ZC3H13: variants seen among roughly 807,000 people sequenced by gnomAD.
ZC3H13 encodes zinc finger CCCH domain-containing protein 13.
Under a neutral mutation model 204.1 loss-of-function variants are expected in ZC3H13, and 64 were observed. The observed-to-expected ratio is 0.31, with a 90% CI of 0.26 to 0.39. ZC3H13 has a LOEUF of 0.39. ZC3H13 is among the 10% of genes least tolerant of loss of function. ZC3H13 has a pLI of 1.00. For missense variants in ZC3H13, 1,833 were observed against 2,082.7 expected (o/e 0.88, Z 2.33); for synonymous variants, 667 against 693.7 (o/e 0.96, Z 0.60).
intron 4 of ZC3H13, among the ~76,000 whole-genome samples, chr13:46,024,223 T>C (rs2042395160): frequency 1.5e-5 from 1 of 64,546 alleles, no homozygotes; most frequent in African/African-American, 9.2e-5. Flanking sequence ...ACACTTTTGA[T>C]AACTTCAGGC....
Position 45,956,578 on chromosome 13 carries a change from T to C in ZC3H13, c.*549A>G, listed in dbSNP as rs1358867560. 1 of 152,142 alleles carries C rather than the reference T, an allele frequency of 6.6e-6. No homozygotes were observed. Among genetic ancestry groups the C allele is most frequent in the Non-Finnish European group, 1.5e-5 (1 of 67,998 alleles). The allele number at this position is 152,142 out of a possible 1,614,324, so 9.4% of individuals were successfully genotyped here. On this transcript the variant is annotated 3_prime_UTR_variant, in exon 19 of 19. Transcript: ENST00000679008. ...ACATATTAATTAAAAAAAAGACCCA[T>C]GAAATAATTTTTAAAAAACTTTCAA...
intron 8 of ZC3H13, among the ~76,000 whole-genome samples, chr13:45,994,134 T>C (rs1392603211): frequency 1.3e-5 from 2 of 152,254 alleles, no homozygotes. Context: ...TTCCACTTAA[T>C]GAATAGTAAA....
At chr13:46,021,521 C>CT (rs5803324) in intron 4 of ZC3H13, among the ~76,000 whole-genome samples, 113,513 of 151,728 alleles carry the variant, frequency 0.75, 42,930 homozygotes, top group African/African-American at 0.85. Context: ...AATTTGGCTG[C>CT]TTAAAACACA....
rs764441268 is a variant in ZC3H13, at chr13:46,045,014, T to A, written c.168A>T (p.Thr56=). The change falls in exon 3 of 19, where the codon ACA becomes ACT. Residue 56 remains threonine (T), a synonymous_variant. Coordinates refer to ENST00000679008, the MANE Select transcript of ZC3H13 (RefSeq NM_001330564.2). ...LKTGNCLYGN[T]CRFVHGPSPR... is the part of the protein sequence containing the mutation. ...GTGAAGGGCCATGTACGAATCTACATGTGTTTCCATAGAGGCAGTTGCCAG... is the reference window on the plus strand; with the variant it reads ...GTGAAGGGCCATGTACGAATCTACAAGTGTTTCCATAGAGGCAGTTGCCAG... 6.2e-7 allele frequency: 1 copy of A among 1,613,760 alleles called. No homozygotes were observed. The highest frequency in any genetic ancestry group is 8.5e-7 in the Non-Finnish European group (1 of 1,179,782).
chr13:46,029,569 C>T (rs1418885432), intron 4 of ZC3H13, among the ~76,000 whole-genome samples: 1 of 151,556 alleles, frequency 6.6e-6, no homozygotes, highest in African/African-American at 2.4e-5. Flanking sequence ...GCTGGGACTA[C>T]AGGCGCCCGC....
chr13:45,985,989 C>T (rs1169232171), intron 9 of ZC3H13, among the ~76,000 whole-genome samples: 2 of 152,108 alleles, frequency 1.3e-5, no homozygotes, highest in East Asian at 3.9e-4. Context: ...CCTATACTGC[C>T]CCAACTCACC....
At chr13:45,998,235 A>T (rs1232947522) in intron 8 of ZC3H13, among the ~76,000 whole-genome samples, 2 of 152,192 alleles carry the variant, frequency 1.3e-5, no homozygotes, top group African/African-American at 2.4e-5. Flanking sequence ...TTTGGTTCCC[A>T]CAATAAAGCA....
intron 9 of ZC3H13, among the ~76,000 whole-genome samples, chr13:45,987,140 T>G (rs952675707): frequency 5.9e-5 from 9 of 152,212 alleles, no homozygotes; most frequent in African/African-American, 2.2e-4. Flanking sequence ...TATTTTCTTC[T>G]TTACCTACCT....
At chr13:46,033,195 T>G (rs1448262107) in intron 4 of ZC3H13, among the ~76,000 whole-genome samples, 2 of 152,076 alleles carry the variant, frequency 1.3e-5, no homozygotes, top group African/African-American at 4.8e-5. Flanking sequence ...AACTTCAAAA[T>G]TACTTGTAAT....
chr13:45,991,400 C>T (rs1011895443), intron 8 of ZC3H13, among the ~76,000 whole-genome samples: 2 of 152,174 alleles, frequency 1.3e-5, no homozygotes, highest in African/African-American at 4.8e-5. Flanking sequence ...AATGGGTTGT[C>T]AAATAATGGC....
At position 46,011,438 on chromosome 13, in the gene ZC3H13, C is replaced by G; in HGVS notation, c.565G>C (p.Glu189Gln). The change falls in exon 6 of 19, where the codon GAA (glutamate) becomes CAA (glutamine). Residue 189 changes from glutamate to glutamine, a missense_variant. Transcript: ENST00000679008. ...KLEQENMEKR[E>Q]EIIIKKEVSP... The stretch of plus-strand genomic sequence containing the variant: ...ACCTCCTTTTTAATGATAATTTCTT[C>G]TCTCTTCTCCATGTTTTCTTGTTCC... 4.4e-6 allele frequency: 7 copies of G among 1,602,246 alleles called. No individual in the cohort carries two copies. The highest frequency in any genetic ancestry group is 6.0e-6 in the Non-Finnish European group (7 of 1,175,404).
chr13:45,984,695 G>A (rs1175798404), intron 10 of ZC3H13, among the ~76,000 whole-genome samples: 1 of 152,180 alleles, frequency 6.6e-6, no homozygotes, highest in South Asian at 2.1e-4. Flanking sequence ...TTCTGCAGCA[G>A]TGTTTGGGGA....
At chr13:46,006,944 T>C (rs1238842494) in intron 7 of ZC3H13, among the ~76,000 whole-genome samples, 1 of 151,812 alleles carries the variant, frequency 6.6e-6, no homozygotes, top group Admixed American at 6.6e-5. Flanking sequence ...TCTCATTGCA[T>C]ATTCATGAGA....
At chr13:46,048,873 G>A (rs1253453279) in intron 1 of ZC3H13, among the ~76,000 whole-genome samples, 1 of 152,168 alleles carries the variant, frequency 6.6e-6, no homozygotes, top group Non-Finnish European at 1.5e-5. Flanking sequence ...ACTCACGCCT[G>A]TAATCCCAGC....
intron 17 of ZC3H13, among the ~76,000 whole-genome samples, chr13:45,961,187 A>T (rs1395357332): frequency 6.6e-6 from 1 of 152,168 alleles, no homozygotes; most frequent in Non-Finnish European, 1.5e-5. Context: ...TGATATAGTC[A>T]TATATGCACA....
chr13:46,016,412 T>G (rs1248740251), intron 5 of ZC3H13, among the ~76,000 whole-genome samples: 2 of 152,100 alleles, frequency 1.3e-5, no homozygotes, highest in Non-Finnish European at 2.9e-5. Flanking sequence ...CAATAACAAT[T>G]AATGAATGAT....
chr13:46,052,487 C>A lies in ZC3H13; in HGVS notation c.-93G>T. The A allele has an allele frequency of 2.5e-6, 1 of 398,524 alleles. No homozygotes were observed. Among genetic ancestry groups the A allele is most frequent in the East Asian group, 3.6e-5 (1 of 28,058 alleles). The allele number at this position is 398,524 out of a possible 1,614,324, so 24.7% of individuals were successfully genotyped here. ...CGAGGAGCGGGGGAGGCGACTCTGTCCCCGCGCCTGGACCCAGGAGGACGA... is the reference window on the plus strand; with the variant it reads ...CGAGGAGCGGGGGAGGCGACTCTGTACCCGCGCCTGGACCCAGGAGGACGA... On this transcript the variant is annotated 5_prime_UTR_variant, in exon 1 of 19. Transcript: ENST00000679008.
At chr13:46,021,789 T>C (rs2042233947) in intron 4 of ZC3H13, among the ~76,000 whole-genome samples, 1 of 151,898 alleles carries the variant, frequency 6.6e-6, no homozygotes, top group Admixed American at 6.6e-5. Flanking sequence ...GGAAGAAATA[T>C]AATTTACTTT....
Position 45,975,306 on chromosome 13 carries a change from A to T in ZC3H13, c.2445T>A (p.Asp815Glu), listed in dbSNP as rs755511064. Residue 815 changes from aspartate (D) to glutamate (E), a missense_variant, in exon 12 of 19, where the codon GAT becomes GAA. Physicochemically the swap from Asp to Glu is conservative, Grantham distance 45. Transcript: ENST00000679008. ...EEIREDRNPR[D>E]GHDERKSKKR... ...ACTTTGATTTTCTTTCATCATGTCC[A>T]TCTCTTGGATTCCTATCTTCTCGGA... is the stretch of plus-strand genomic sequence containing the variant. 6.2e-7 allele frequency: 1 copy of T among 1,611,836 alleles called. No individual in the cohort carries two copies. Among genetic ancestry groups the T allele is most frequent in the Non-Finnish European group, 8.5e-7 (1 of 1,178,334 alleles).
Sources: gnomAD v4.1 joint callset for allele counts (sites outside exome capture counted in the v4.1 genomes callset) on GRCh38, gnomAD v4.1.1 for gene constraint, MANE v1.5 for transcripts, NCBI Gene and HGNC (gene_info 2026-07-23, HGNC 2026-07-21) for gene names.